Variants in ACSS3 observed in about 807,000 individuals in gnomAD.
The protein encoded by ACSS3 is acyl-CoA synthetase short-chain family member 3, mitochondrial.
Under a neutral mutation model 84.2 loss-of-function variants are expected in ACSS3, and 64 were observed. The ratio of observed to expected loss-of-function variants is 0.76; its 90% CI spans 0.62 to 0.94. ACSS3 has a LOEUF of 0.94. Among genes scored for constraint, ACSS3 ranks in the 40% least tolerant of loss-of-function variants. The probability of loss-of-function intolerance (pLI) is 0.00; values close to 1 mark genes in which losing one functional copy is unlikely to be tolerated. For missense variants in ACSS3, 815 were observed against 867.6 expected, an observed-to-expected ratio of 0.94 and a Z score of 0.76; for synonymous variants, 317 against 310.1, an observed-to-expected ratio of 1.02 and a Z score of -0.23.
At chr12:81,187,566 C>T (rs924978978) in intron 8 of ACSS3, among the ~76,000 whole-genome samples, 1 of 151,724 alleles carries the variant, frequency 6.6e-6, no homozygotes, top group African/African-American at 2.4e-5. Flanking sequence ...ATATCCAGCT[C>T]TCATTATTAC....
intron 5 of ACSS3, among the ~76,000 whole-genome samples, chr12:81,148,792 T>C (rs1038685151): frequency 3.8e-4 from 57 of 149,992 alleles, no homozygotes; most frequent in Non-Finnish European, 1.5e-4. Flanking sequence ...CCAGGCGCAG[T>C]GCATCATGCC....
Position 81,216,924 on chromosome 12 carries a change from T to A in ACSS3, c.1378T>A (p.Ser460Thr), listed in dbSNP as rs774554322. The change falls in exon 10 of 16, where the codon TCA becomes ACA. Residue 460 changes from serine to threonine, a missense_variant. Coordinates refer to ENST00000548058, the MANE Select transcript of ACSS3 (RefSeq NM_024560.4). ...AGAGACTGGATCTCCAATTACTGCG[T>A]CATGTGTTGGATTAGGCAATTCTAA... ...QTETGSPITA[S>T]CVGLGNSKTP... 2.5e-5 allele frequency: 41 copies of A among 1,611,188 alleles called. No individual in the cohort carries two copies. The highest frequency in any genetic ancestry group is 1.7e-4 in the Admixed American group (10 of 59,952).
At chr12:81,163,852 G>C (rs956171492) in intron 7 of ACSS3, among the ~76,000 whole-genome samples, 2 of 152,256 alleles carry the variant, frequency 1.3e-5, no homozygotes, top group African/African-American at 4.8e-5. Context: ...TTGTTCAGTT[G>C]TACAATGTGT....
chr12:81,131,903 G>A (rs1383467764), intron 2 of ACSS3, among the ~76,000 whole-genome samples: 1 of 152,090 alleles, frequency 6.6e-6, no homozygotes, highest in Admixed American at 6.6e-5. Context: ...TTTTGTCTTT[G>A]GTTCTGTTTA....
chr12:81,138,510 A>G (rs1299868814), intron 3 of ACSS3, among the ~76,000 whole-genome samples: 5 of 152,216 alleles, frequency 3.3e-5, no homozygotes, highest in Admixed American at 2.0e-4. Flanking sequence ...GAATGACTTA[A>G]CAAGTTGGCA....
intron 9 of ACSS3, among the ~76,000 whole-genome samples, chr12:81,214,244 C>G (rs1359746277): frequency 6.6e-6 from 1 of 151,750 alleles, no homozygotes; most frequent in African/African-American, 2.4e-5. Context: ...CAGGTTGGTC[C>G]CAAACTCATG....
intron 11 of ACSS3, among the ~76,000 whole-genome samples, chr12:81,229,861 T>C (rs1452208367): frequency 6.7e-6 from 1 of 148,598 alleles, no homozygotes; most frequent in East Asian, 1.9e-4. Context: ...ATTATAGAAG[T>C]GGGCGATATC....
At chr12:81,095,174 C>A (rs1297759022) in intron 1 of ACSS3, among the ~76,000 whole-genome samples, 1 of 152,140 alleles carries the variant, frequency 6.6e-6, no homozygotes, top group Non-Finnish European at 1.5e-5. Context: ...TTTCTAGGAA[C>A]CTGCTCTCAT....
rs568192172 is a variant in ACSS3, at chr12:81,188,686, G to A, written c.1251-10655G>A. ...CCTTGAGCTTCATCCATAAGTTTGC[G>A]CGTCAAAGTGGTTCTTGCATTTTGA... On this transcript the variant is annotated intron_variant, in intron 8 of 15. Coordinates refer to ENST00000548058, the MANE Select transcript of ACSS3 (RefSeq NM_024560.4). Among the ~76,000 whole-genome samples, 22 of 152,076 alleles carry A rather than the reference G, an allele frequency of 1.4e-4. No individual in the cohort carries two copies. The South Asian group carries it at 2.5e-3, about 17-fold the overall frequency.
intron 8 of ACSS3, among the ~76,000 whole-genome samples, chr12:81,179,573 G>A (rs146909949): frequency 0.019 from 2,821 of 151,918 alleles, 87 homozygotes; most frequent in African/African-American, 0.064. Flanking sequence ...ACAAGGTCAG[G>A]AGATCGAGAC....
At chr12:81,118,982 T>C (rs188524065) in intron 2 of ACSS3, among the ~76,000 whole-genome samples, 214 of 152,310 alleles carry the variant, frequency 1.4e-3, no homozygotes, top group Middle Eastern at 3.4e-3. Context: ...GGCTTCACTA[T>C]TGGGGGAACC....
chr12:81,083,541 T>A (rs564778792), intron 1 of ACSS3, among the ~76,000 whole-genome samples: 91 of 152,008 alleles, frequency 6.0e-4, no homozygotes, highest in African/African-American at 2.1e-3. Context: ...TACTTTTTTT[T>A]AGTAGATTTG....
At chr12:81,178,330 G>A (rs1444518647) in intron 8 of ACSS3, among the ~76,000 whole-genome samples, 1 of 142,338 alleles carries the variant, frequency 7.0e-6, no homozygotes, top group Non-Finnish European at 1.5e-5. Flanking sequence ...GGGGGGAGGG[G>A]GCAGGGATAG....
intron 1 of ACSS3, chr12:81,104,903 A>G (rs1882845278): frequency 6.6e-6 from 1 of 152,216 alleles, no homozygotes; most frequent in South Asian, 2.1e-4. Flanking sequence ...TTTAGAAGGT[A>G]CAAGTACAGC....
intron 8 of ACSS3, among the ~76,000 whole-genome samples, chr12:81,175,729 T>C (rs2030420179): frequency 6.6e-6 from 1 of 152,130 alleles, no homozygotes; most frequent in African/African-American, 2.4e-5. Flanking sequence ...TACATGGAAA[T>C]TAAACAATCT....
intron 1 of ACSS3, 83 bp downstream of exon 1, chr12:81,078,514 G>T (rs1028267080): frequency 6.8e-7 from 1 of 1,467,578 alleles, no homozygotes; most frequent in Non-Finnish European, 9.3e-7. Context: ...CTGGAATCTG[G>T]CATTCTATCA....
intron 2 of ACSS3, among the ~76,000 whole-genome samples, chr12:81,133,080 G>T (rs1222247333): frequency 6.6e-6 from 1 of 150,878 alleles, no homozygotes; most frequent in Non-Finnish European, 1.5e-5. Context: ...CAATTATAGA[G>T]TTTGCAATAT....
chr12:81,210,514 A>G (rs2032550153), intron 9 of ACSS3, among the ~76,000 whole-genome samples: 2 of 134,546 alleles, frequency 1.5e-5, no homozygotes, highest in Admixed American at 7.3e-5. Context: ...AAACTATCCC[A>G]AGTAAACTAA....
At position 81,260,911 on chromosome 12, in the gene ACSS3, G is replaced by A. The variant is rs1160114654; in HGVS notation, c.*5989G>A. 1 of 152,096 alleles carries A rather than the reference G, an allele frequency of 6.6e-6. No homozygotes were observed. The highest frequency in any genetic ancestry group is 1.5e-5 in the Non-Finnish European group (1 of 68,008). 9.4% of individuals were successfully genotyped at this position (152,096 alleles called of 1,614,324 possible). A position where few individuals can be genotyped will look rare whatever the true frequency, so the allele number is the denominator to read the frequency against. On this transcript the variant is annotated 3_prime_UTR_variant, in exon 16 of 16. Transcript: ENST00000548058. The stretch of plus-strand genomic sequence containing the variant: ...TAGTTTTAGGTTGAAAAAAAATTAT[G>A]AACATTTGACATTTATAAATCTAAG...
Sources: allele counts gnomAD v4.1 joint callset (sites outside exome capture counted in the v4.1 genomes callset), GRCh38; gene constraint gnomAD v4.1.1; transcripts MANE v1.5; gene names NCBI Gene and HGNC (gene_info 2026-07-23, HGNC 2026-07-21).